PRKCE: variants seen among roughly 807,000 people sequenced by gnomAD.
PRKCE encodes the protein protein kinase C epsilon, also known as protein kinase C epsilon type.
In PRKCE, 16 loss-of-function variants were observed where a neutral mutation model predicts 85.4. The ratio of observed to expected loss-of-function variants is 0.19; its 90% CI spans 0.13 to 0.28. The LOEUF (loss-of-function observed/expected upper bound fraction) is 0.28. Ranked by LOEUF, PRKCE falls within the 10% of genes least tolerant of loss-of-function variation. The probability of loss-of-function intolerance (pLI) is 1.00; values close to 1 mark genes in which losing one functional copy is unlikely to be tolerated. For synonymous variants in PRKCE, 388 were observed against 371.5 expected, an observed-to-expected ratio of 1.04 and a Z score of -0.51; for missense variants, 573 against 975.2, an observed-to-expected ratio of 0.59 and a Z score of 5.49.
At chr2:45,917,021 C>G (rs1252860932) in intron 2 of PRKCE, among the ~76,000 whole-genome samples, 3 of 152,088 alleles carry the variant, frequency 2.0e-5, no homozygotes, top group Admixed American at 1.3e-4. Flanking sequence ...AGTGAAAGAA[C>G]AAACCTTCCA....
intron 1 of PRKCE, among the ~76,000 whole-genome samples, chr2:45,794,845 A>AACCCCCCCCCCC (rs1687296127): frequency 1.6e-5 from 2 of 122,570 alleles, no homozygotes; most frequent in African/African-American, 3.0e-5. Flanking sequence ...TTATTGCCCT[A>AACCCCCCCCCCC]CCCCCCCCCC....
At chr2:45,656,312 A>G (rs62128631) in intron 1 of PRKCE, among the ~76,000 whole-genome samples, 19,110 of 152,224 alleles carry the variant, frequency 0.13, 1,298 homozygotes, top group East Asian at 0.23. Flanking sequence ...GCCTCTGAAC[A>G]TCATTAGTGA....
intron 10 of PRKCE, among the ~76,000 whole-genome samples, chr2:46,083,229 G>A (rs1421246272): frequency 1.3e-5 from 2 of 152,196 alleles, no homozygotes; most frequent in Non-Finnish European, 2.9e-5. Flanking sequence ...GGGATTACAG[G>A]CATGAGCCAC....
chr2:46,031,759 G>T (rs866445680), intron 10 of PRKCE, among the ~76,000 whole-genome samples: 1 of 152,070 alleles, frequency 6.6e-6, no homozygotes, highest in South Asian at 2.1e-4. Flanking sequence ...AAAATCGGCT[G>T]ATTTAGCAGC....
chr2:45,714,693 C>A (rs954740306), intron 1 of PRKCE, among the ~76,000 whole-genome samples: 3 of 152,098 alleles, frequency 2.0e-5, no homozygotes, highest in Non-Finnish European at 1.5e-5. Flanking sequence ...GAGTATAGAC[C>A]GTGTGCTGAG....
At chr2:46,169,240 TG>T (rs1678648876) in intron 14 of PRKCE, among the ~76,000 whole-genome samples, 2 of 152,218 alleles carry the variant, frequency 1.3e-5, no homozygotes, top group Non-Finnish European at 2.9e-5. Flanking sequence ...TTGTTTGTGC[TG>T]GGGAGGGGGA....
intron 1 of PRKCE, chr2:45,840,617 G>C (rs570490240): frequency 6.6e-6 from 1 of 152,320 alleles, no homozygotes; most frequent in South Asian, 2.1e-4. Context: ...CCTCACTCCT[G>C]TGCCGACGGA....
intron 2 of PRKCE, among the ~76,000 whole-genome samples, chr2:45,866,761 G>C (rs530982823): frequency 5.9e-5 from 9 of 152,338 alleles, no homozygotes; most frequent in East Asian, 1.9e-4. Context: ...CACATTTCAA[G>C]TGCTCAATAG....
At chr2:46,167,031 T>C (rs780987753) in intron 14 of PRKCE, 4 of 152,234 alleles carry the variant, frequency 2.6e-5, no homozygotes, top group Non-Finnish European at 5.9e-5. Flanking sequence ...TCTAAGCTAC[T>C]TTGTGCACTG....
chr2:46,137,263 C>G (rs1368011649), intron 11 of PRKCE, among the ~76,000 whole-genome samples: 1 of 152,222 alleles, frequency 6.6e-6, no homozygotes, highest in African/African-American at 2.4e-5. Context: ...TGCCTCACTT[C>G]TTGTCTGACA....
At chr2:45,917,260 G>A (rs1334454696) in intron 2 of PRKCE, among the ~76,000 whole-genome samples, 2 of 152,008 alleles carry the variant, frequency 1.3e-5, no homozygotes, top group Non-Finnish European at 2.9e-5. Context: ...CCAAGTCGCC[G>A]CCAGAGTAGC....
chr2:45,692,850 G>C (rs918063770), intron 1 of PRKCE, among the ~76,000 whole-genome samples: 1 of 152,198 alleles, frequency 6.6e-6, no homozygotes, highest in African/African-American at 2.4e-5. Context: ...TGGCATGTGG[G>C]CTCGAGGGAT....
intron 11 of PRKCE, among the ~76,000 whole-genome samples, chr2:46,143,128 A>G (rs1488204977): frequency 2.0e-5 from 3 of 152,164 alleles, no homozygotes; most frequent in Admixed American, 2.0e-4. Context: ...TATTTCTGTA[A>G]GGGTAGTTGC....
intron 2 of PRKCE, among the ~76,000 whole-genome samples, chr2:45,950,248 C>A (rs1700532903): frequency 6.6e-6 from 1 of 152,170 alleles, no homozygotes; most frequent in Non-Finnish European, 1.5e-5. Context: ...TTTACCTTTA[C>A]TGAAAATCAA....
At position 45,846,634 on chromosome 2, in the gene PRKCE, C is replaced by A. The variant is rs540233451; in HGVS notation, c.412+3571C>A. Among the ~76,000 whole-genome samples, 18 of 152,302 alleles carry A rather than the reference C, an allele frequency of 1.2e-4. 1 individual carries two copies. Among genetic ancestry groups the A allele is most frequent in the African/African-American group, 4.1e-4 (17 of 41,570 alleles). ...GCAGGGAACAGGAGGCACCCTGTTT[C>A]TTTCTGCAGCCACAGGCTGAAAGGG... is the stretch of plus-strand genomic sequence containing the variant. On this transcript the variant is annotated intron_variant, in intron 2 of 14. Transcript: ENST00000306156.
Position 45,741,888 on chromosome 2 carries a change from C to T in PRKCE, c.348+89440C>T, listed in dbSNP as rs574611401. On this transcript the variant is annotated intron_variant, in intron 1 of 14. Coordinates refer to ENST00000306156, the MANE Select transcript of PRKCE (RefSeq NM_005400.3). The stretch of plus-strand genomic sequence containing the variant: ...GGCCATGGGTTACCCAGGGTCTCTC[C>T]TTTAAAGAGGGCGGAAGTCCCCTGT... Among the ~76,000 whole-genome samples the T allele has an allele frequency of 2.6e-5, 4 of 152,328 alleles. No individual in the cohort carries two copies. The South Asian group carries it at 8.3e-4, about 32-fold the overall frequency.
chr2:45,658,588 T>C (rs1001377552), intron 1 of PRKCE, among the ~76,000 whole-genome samples: 1 of 152,216 alleles, frequency 6.6e-6, no homozygotes, highest in African/African-American at 2.4e-5. Context: ...CGTTTCTTCA[T>C]CTGTAAAATG....
At chr2:46,171,004 G>A (rs1438534404) in intron 14 of PRKCE, among the ~76,000 whole-genome samples, 1 of 152,208 alleles carries the variant, frequency 6.6e-6, no homozygotes, top group African/African-American at 2.4e-5. Context: ...GCTTTAAAAA[G>A]TAGATGATAA....
intron 1 of PRKCE, among the ~76,000 whole-genome samples, chr2:45,703,843 A>T (rs1331724131): frequency 6.6e-6 from 1 of 152,254 alleles, no homozygotes; most frequent in Non-Finnish European, 1.5e-5. Context: ...ATAACAAAAA[A>T]ATTCCTATTC....
Sources: gnomAD v4.1 joint callset for allele counts (sites outside exome capture counted in the v4.1 genomes callset) on GRCh38, gnomAD v4.1.1 for gene constraint, MANE v1.5 for transcripts, NCBI Gene and HGNC (gene_info 2026-07-23, HGNC 2026-07-21) for gene names.